EYS: variants seen among roughly 807,000 people sequenced by gnomAD.
EYS encodes the protein EGF-like photoreceptor maintenance factor.
Under a neutral mutation model 282.1 loss-of-function variants are expected in EYS, and 250 were observed. The observed-to-expected ratio is 0.89, with a 90% CI of 0.80 to 0.98. The LOEUF is 0.98. Among genes scored for constraint, EYS ranks in the 50% least tolerant of loss-of-function variants. The probability of loss-of-function intolerance (pLI) is 0.00; values close to 1 mark genes in which losing one functional copy is unlikely to be tolerated. For synonymous variants in EYS, 1,355 were observed against 1,282.9 expected, an observed-to-expected ratio of 1.06 and a Z score of -1.20; for missense variants, 4,016 against 3,709.0, an observed-to-expected ratio of 1.08 and a Z score of -2.15.
intron 26 of EYS, among the ~76,000 whole-genome samples, chr6:64,563,794 A>G (rs1051772369): frequency 6.6e-6 from 1 of 152,204 alleles, no homozygotes; most frequent in African/African-American, 2.4e-5. Flanking sequence ...TACATAGATT[A>G]TAAAATGAAT....
intron 29 of EYS, among the ~76,000 whole-genome samples, chr6:64,329,481 A>G (rs764612971): frequency 2.2e-4 from 33 of 152,258 alleles, no homozygotes; most frequent in Admixed American, 5.9e-4. Flanking sequence ...CAAAATTTGT[A>G]AAGATGCATT....
At chr6:64,032,981 G>A (rs1039877748) in intron 33 of EYS, among the ~76,000 whole-genome samples, 1 of 152,162 alleles carries the variant, frequency 6.6e-6, no homozygotes, top group Non-Finnish European at 1.5e-5. Context: ...CTCTCTTGAG[G>A]AGACTTCAAG....
chr6:65,615,227 C>A (rs1253118830), intron 2 of EYS, among the ~76,000 whole-genome samples: 1 of 152,004 alleles, frequency 6.6e-6, no homozygotes, highest in Non-Finnish European at 1.5e-5. Context: ...CAATACCTTG[C>A]TTGAGACAAA....
At chr6:63,780,505 T>C (rs1469536105) in intron 39 of EYS, among the ~76,000 whole-genome samples, 2 of 152,240 alleles carry the variant, frequency 1.3e-5, no homozygotes, top group Admixed American at 6.5e-5. Flanking sequence ...CCACTGATGA[T>C]GAGCATTTTT....
intron 26 of EYS, among the ~76,000 whole-genome samples, chr6:64,481,954 G>A (rs1393294209): frequency 6.6e-6 from 1 of 151,666 alleles, no homozygotes; most frequent in East Asian, 1.9e-4. Flanking sequence ...AACTCAAACA[G>A]CATGTTAAAA....
intron 12 of EYS, among the ~76,000 whole-genome samples, chr6:65,060,705 T>A (rs1023675621): frequency 1.3e-5 from 2 of 151,448 alleles, no homozygotes; most frequent in African/African-American, 4.8e-5. Context: ...TTTTCTAGTG[T>A]TTACACCTTC....
At chr6:65,618,597 C>T (rs1387987824) in intron 2 of EYS, among the ~76,000 whole-genome samples, 2 of 152,160 alleles carry the variant, frequency 1.3e-5, no homozygotes, top group African/African-American at 4.8e-5. Flanking sequence ...GTTGCCATTG[C>T]TTTTGGTGTT....
intron 29 of EYS, among the ~76,000 whole-genome samples, chr6:64,325,810 G>A (rs1029080196): frequency 2.0e-5 from 3 of 151,958 alleles, no homozygotes; most frequent in Non-Finnish European, 4.4e-5. Flanking sequence ...GTAGAATAAA[G>A]AAATTCAGAG....
chr6:64,924,661 T>C (rs1768455900), intron 15 of EYS, among the ~76,000 whole-genome samples: 1 of 152,202 alleles, frequency 6.6e-6, no homozygotes, highest in South Asian at 2.1e-4. Context: ...AAATTTCTAC[T>C]GTCAGATACC....
At chr6:64,845,383 G>T (rs1029092621) in intron 19 of EYS, among the ~76,000 whole-genome samples, 1 of 151,960 alleles carries the variant, frequency 6.6e-6, no homozygotes, top group Non-Finnish European at 1.5e-5. Context: ...AAGTTTCCTT[G>T]ATTCTAATAT....
chr6:65,597,100 C>A (rs765866983), intron 2 of EYS, among the ~76,000 whole-genome samples: 1 of 152,038 alleles, frequency 6.6e-6, no homozygotes, highest in Non-Finnish European at 1.5e-5. Flanking sequence ...TGGTATTTTA[C>A]CTAATAATAT....
intron 32 of EYS, among the ~76,000 whole-genome samples, chr6:64,076,796 C>T (rs1366206419): frequency 4.0e-5 from 6 of 151,806 alleles, no homozygotes; most frequent in African/African-American, 1.5e-4. Flanking sequence ...GAGGTGTTTG[C>T]TATTTGGTGA....
chr6:64,703,710 A>G (rs1770876285), intron 22 of EYS, among the ~76,000 whole-genome samples: 1 of 152,026 alleles, frequency 6.6e-6, no homozygotes, highest in Admixed American at 6.6e-5. Context: ...ATGCATTTAA[A>G]TATATAATCT....
At chr6:65,423,990 C>G (rs1220442597) in intron 5 of EYS, among the ~76,000 whole-genome samples, 1 of 151,804 alleles carries the variant, frequency 6.6e-6, no homozygotes, top group Non-Finnish European at 1.5e-5. Context: ...ATGTGTCTTG[C>G]CTTTAGCCCC....
intron 26 of EYS, among the ~76,000 whole-genome samples, chr6:64,564,848 G>A (rs1250395557): frequency 6.6e-6 from 1 of 152,106 alleles, no homozygotes; most frequent in Non-Finnish European, 1.5e-5. Context: ...TAATGTAGAT[G>A]ACAGATTGTC....
chr6:64,408,499 G>C (rs901269382), intron 28 of EYS, among the ~76,000 whole-genome samples: 3 of 152,148 alleles, frequency 2.0e-5, no homozygotes, highest in Admixed American at 6.5e-5. Flanking sequence ...TGTATATCTG[G>C]GAAAGTAGTG....
chr6:65,150,663 C>A lies in EYS; in HGVS notation c.2024-92936G>T, dbSNP rs1040279768. On this transcript the variant is annotated intron_variant, in intron 12 of 42. Coordinates refer to ENST00000503581, the MANE Select transcript of EYS (RefSeq NM_001142800.2). ...CATCTGCCATATATTGATTTGTAGACTTTTTCTTATTTTTTATCATTTTTA... is the reference window on the plus strand; with the variant it reads ...CATCTGCCATATATTGATTTGTAGAATTTTTCTTATTTTTTATCATTTTTA... Among the ~76,000 whole-genome samples the A allele has an allele frequency of 2.6e-5, 4 of 150,994 alleles. No homozygotes were observed. The East Asian group carries it at 7.9e-4, about 30-fold the overall frequency.
rs528908430 is a variant in EYS at position 64,969,909 on chromosome 6, T to C, written c.2260-23995A>G. ...CCCAGATGTTACCTAAACTTTCCAA[T>C]CTCATACTATGTAAAATTGCTTTAG... On this transcript the variant is annotated intron_variant, in intron 14 of 42. Coordinates refer to ENST00000503581, the MANE Select transcript of EYS (RefSeq NM_001142800.2). Among the ~76,000 whole-genome samples the C allele has an allele frequency of 1.4e-4, 22 of 152,148 alleles. 1 individual carries two copies. Among genetic ancestry groups the C allele is most frequent in the Non-Finnish European group, 8.8e-5 (6 of 68,026 alleles).
At chr6:64,094,569 G>A (rs986464372) in intron 31 of EYS, among the ~76,000 whole-genome samples, 3 of 152,084 alleles carry the variant, frequency 2.0e-5, no homozygotes, top group Admixed American at 1.3e-4. Context: ...TTCTCTGATG[G>A]TAGTTTGTAT....
Sources: allele counts gnomAD v4.1 joint callset (sites outside exome capture counted in the v4.1 genomes callset), GRCh38; gene constraint gnomAD v4.1.1; transcripts MANE v1.5; gene names NCBI Gene and HGNC (gene_info 2026-07-23, HGNC 2026-07-21).